The following NXPH1 variants were observed in gnomAD, a reference collection of about 807,000 sequenced individuals.
NXPH1 encodes the protein neurexophilin 1, also known as neurexophilin-1.
A neutral mutation model predicts 23.7 loss-of-function variants in NXPH1; 5 were observed. The observed-to-expected ratio is 0.21, with a 90% CI of 0.11 to 0.44. NXPH1 has a LOEUF of 0.44. Among genes scored for constraint, NXPH1 ranks in the 20% least tolerant of loss-of-function variants. The probability of loss-of-function intolerance (pLI) is 0.99; values close to 1 mark genes in which losing one functional copy is unlikely to be tolerated. For synonymous variants in NXPH1, 144 were observed against 122.2 expected (o/e 1.18, Z -1.18); for missense variants, 324 against 321.6 (o/e 1.01, Z -0.06).
intron 2 of NXPH1, among the ~76,000 whole-genome samples, chr7:8,482,950 A>C (rs954415429): frequency 3.3e-5 from 5 of 152,212 alleles, no homozygotes; most frequent in African/African-American, 1.2e-4. Flanking sequence ...AAATAAACGA[A>C]ATATCTTCTC....
chr7:8,508,183 T>A (rs1817560770), intron 2 of NXPH1, among the ~76,000 whole-genome samples: 1 of 152,108 alleles, frequency 6.6e-6, no homozygotes, highest in South Asian at 2.1e-4. Flanking sequence ...AATTTAGTTG[T>A]CTCTTTACCT....
At chr7:8,522,478 T>C (rs549278520) in intron 2 of NXPH1, among the ~76,000 whole-genome samples, 3 of 152,332 alleles carry the variant, frequency 2.0e-5, no homozygotes, top group East Asian at 3.9e-4. Context: ...TATTATTTTA[T>C]TGAGTATGCA....
intron 2 of NXPH1, among the ~76,000 whole-genome samples, chr7:8,731,704 A>T (rs933969011): frequency 1.3e-5 from 2 of 152,208 alleles, no homozygotes; most frequent in African/African-American, 4.8e-5. Context: ...CCGTTCTCAG[A>T]TCTCCAGCTG....
chr7:8,500,544 A>G (rs1817414421), intron 2 of NXPH1, among the ~76,000 whole-genome samples: 1 of 152,100 alleles, frequency 6.6e-6, no homozygotes, highest in African/African-American at 2.4e-5. Flanking sequence ...TTGAAAATTC[A>G]TAACAGTGCC....
chr7:8,452,440 T>A (rs1816522981), intron 2 of NXPH1, among the ~76,000 whole-genome samples: 1 of 152,184 alleles, frequency 6.6e-6, no homozygotes, highest in South Asian at 2.1e-4. Flanking sequence ...TTTATCTCCC[T>A]TAATGCCTTG....
chr7:8,521,884 G>C (rs111348993), intron 2 of NXPH1, among the ~76,000 whole-genome samples: 1 of 152,098 alleles, frequency 6.6e-6, no homozygotes, highest in Non-Finnish European at 1.5e-5. Flanking sequence ...ATGGAGATTT[G>C]GATAGGAGGA....
chr7:8,438,213 C>T (rs1816229570), intron 2 of NXPH1, among the ~76,000 whole-genome samples: 1 of 152,142 alleles, frequency 6.6e-6, no homozygotes, highest in Non-Finnish European at 1.5e-5. Flanking sequence ...GGCAATGAAC[C>T]GATCAAGAAG....
At chr7:8,708,008 AAT>A (rs1290316316) in intron 2 of NXPH1, among the ~76,000 whole-genome samples, 2 of 152,176 alleles carry the variant, frequency 1.3e-5, no homozygotes, top group Non-Finnish European at 2.9e-5. Flanking sequence ...ATCTTTAAAT[AAT>A]TTAATATGCA....
At chr7:8,481,063 A>G (rs1269482760) in intron 2 of NXPH1, among the ~76,000 whole-genome samples, 1 of 152,172 alleles carries the variant, frequency 6.6e-6, no homozygotes, top group African/African-American at 2.4e-5. Flanking sequence ...ATTGTGTTCA[A>G]TGTCTGATGA....
intron 2 of NXPH1, among the ~76,000 whole-genome samples, chr7:8,669,245 C>T (rs1029309966): frequency 9.2e-5 from 14 of 152,160 alleles, no homozygotes; most frequent in Admixed American, 9.2e-4. Flanking sequence ...GGTCCCAAGA[C>T]CAGGAGTGCT....
intron 2 of NXPH1, among the ~76,000 whole-genome samples, chr7:8,681,953 A>C (rs1192311775): frequency 6.6e-6 from 1 of 152,208 alleles, no homozygotes; most frequent in East Asian, 1.9e-4. Flanking sequence ...TGAGATCCAG[A>C]ACCAGAAGTC....
In NXPH1 at chr7:8,752,346, T is replaced by G. The variant is rs1780579859; in HGVS notation, c.*577T>G. On this transcript the variant is annotated 3_prime_UTR_variant, in exon 3 of 3. Coordinates refer to ENST00000405863, the MANE Select transcript of NXPH1 (RefSeq NM_152745.3). ...TCTTTATTTTACAAACACAACAAAA[T>G]GTAGTAACTTTTTTCCAGCATACAG... The G allele has an allele frequency of 6.5e-6, 1 of 153,004 alleles. No individual in the cohort carries two copies. The highest frequency in any genetic ancestry group is 2.4e-5 in the African/African-American group (1 of 41,422). 9.5% of individuals were successfully genotyped at this position (153,004 alleles called of 1,614,324 possible).
chr7:8,463,410 G>A (rs1487428565), intron 2 of NXPH1, among the ~76,000 whole-genome samples: 3 of 150,548 alleles, frequency 2.0e-5, no homozygotes, highest in Admixed American at 2.0e-4. Flanking sequence ...AAACAGTGTT[G>A]CAATGACTAC....
intron 2 of NXPH1, among the ~76,000 whole-genome samples, chr7:8,718,557 G>C (rs1779914644): frequency 6.6e-6 from 1 of 152,224 alleles, no homozygotes; most frequent in South Asian, 2.1e-4. Flanking sequence ...GTGAAAAATA[G>C]TTAATGACAT....
intron 2 of NXPH1, among the ~76,000 whole-genome samples, chr7:8,485,618 A>G (rs750308490): frequency 6.6e-6 from 1 of 152,128 alleles, no homozygotes; most frequent in Non-Finnish European, 1.5e-5. Context: ...GAGGTGGGAT[A>G]GACTAGAGGT....
intron 2 of NXPH1, among the ~76,000 whole-genome samples, chr7:8,510,426 A>G (rs959196955): frequency 1.3e-5 from 2 of 152,130 alleles, no homozygotes; most frequent in African/African-American, 4.8e-5. Context: ...GGAGGCTGAG[A>G]CAATTATCTG....
At chr7:8,519,434 C>T (rs1373396401) in intron 2 of NXPH1, among the ~76,000 whole-genome samples, 1 of 152,100 alleles carries the variant, frequency 6.6e-6, no homozygotes, top group African/African-American at 2.4e-5. Flanking sequence ...TACAGTGTTT[C>T]CCAACATTAA....
chr7:8,696,987 GTC>G (rs145895718), intron 2 of NXPH1, among the ~76,000 whole-genome samples: 48,906 of 151,152 alleles, frequency 0.32, 9,752 homozygotes, highest in Non-Finnish European at 0.45. Context: ...GCAAAACCCT[GTC>G]TCTACTAAAA....
chr7:8,546,184 A>C (rs1818195534), intron 2 of NXPH1, among the ~76,000 whole-genome samples: 1 of 151,448 alleles, frequency 6.6e-6, no homozygotes, highest in Admixed American at 6.6e-5. Flanking sequence ...TTGACATGTT[A>C]AAGAATACTC....
Sources: allele counts gnomAD v4.1 joint callset (sites outside exome capture counted in the v4.1 genomes callset), GRCh38; gene constraint gnomAD v4.1.1; transcripts MANE v1.5; gene names NCBI Gene and HGNC (gene_info 2026-07-23, HGNC 2026-07-21).